Variants in ZNF420 observed in about 807,000 individuals in gnomAD.
ZNF420 encodes ATM and p53-associated KZNF protein.
In ZNF420, 31 loss-of-function variants were observed where a neutral mutation model predicts 44.7. That is an observed-to-expected ratio of 0.69 (90% CI 0.52 to 0.94). The LOEUF is 0.94. ZNF420 is among the 40% of genes least tolerant of loss of function. ZNF420 has a pLI of 0.00. For synonymous variants in ZNF420, 245 were observed against 267.4 expected, an observed-to-expected ratio of 0.92 and a Z score of 0.82; for missense variants, 681 against 827.9, an observed-to-expected ratio of 0.82 and a Z score of 2.18.
At chr19:37,085,360 T>C (rs543935693) in intron 2 of ZNF420, among the ~76,000 whole-genome samples, 54 of 152,358 alleles carry the variant, frequency 3.5e-4, no homozygotes, top group African/African-American at 1.2e-3. Flanking sequence ...AGCATCTGGT[T>C]TATTTTGATG....
intron 1 of ZNF420, among the ~76,000 whole-genome samples, chr19:37,046,242 A>G (rs1316613568): frequency 1.3e-5 from 2 of 152,202 alleles, no homozygotes; most frequent in Non-Finnish European, 2.9e-5. Flanking sequence ...TTAAATTAGA[A>G]CAACCACTTT....
chr19:37,057,150 G>A (rs1967771177), intron 1 of ZNF420, among the ~76,000 whole-genome samples: 1 of 152,218 alleles, frequency 6.6e-6, no homozygotes, highest in African/African-American at 2.4e-5. Flanking sequence ...TCTCCACGGG[G>A]GCGACAGGAA....
intron 1 of ZNF420, among the ~76,000 whole-genome samples, chr19:37,009,460 G>A (rs1414483044): frequency 2.6e-5 from 4 of 152,068 alleles, no homozygotes; most frequent in African/African-American, 9.7e-5. Flanking sequence ...TGTTCGTCTC[G>A]CCATCGCCCC....
At chr19:37,048,174 G>A (rs1284832587) in intron 1 of ZNF420, among the ~76,000 whole-genome samples, 1 of 152,038 alleles carries the variant, frequency 6.6e-6, no homozygotes, top group African/African-American at 2.4e-5. Flanking sequence ...CTATGTAGAA[G>A]CATTTAAGTA....
intron 2 of ZNF420, among the ~76,000 whole-genome samples, chr19:37,088,546 A>G (rs916460929): frequency 1.3e-5 from 2 of 152,230 alleles, no homozygotes; most frequent in African/African-American, 4.8e-5. Context: ...ATTTATAGAT[A>G]ATGCATTTCT....
At chr19:37,086,332 G>A (rs1291581760) in intron 2 of ZNF420, among the ~76,000 whole-genome samples, 10 of 152,110 alleles carry the variant, frequency 6.6e-5, no homozygotes, top group African/African-American at 1.4e-4. Context: ...AGTACTCAGC[G>A]CTTTCTCTGG....
chr19:37,127,861 G>T lies in ZNF420; in HGVS notation c.870G>T (p.Gln290His), dbSNP rs1301147959. ...ECKECRKVFT[Q>H]LSQLILHKRI... Reference sequence around the variant, plus strand: ...AAGAATGTAGGAAGGTCTTTACTCAGCTCTCACAACTTATTCTGCATAAGA... The same window carrying T: ...AAGAATGTAGGAAGGTCTTTACTCATCTCTCACAACTTATTCTGCATAAGA... The change falls in exon 5 of 5, where the codon CAG becomes CAT. Residue 290 changes from glutamine to histidine, a missense_variant. Around this residue, in one of 3 missense-constraint regions of ZNF420, gnomAD observed 350 missense variants for 382.5 expected, o/e 0.92. Transcript: ENST00000337995. 1 of 1,613,624 alleles carries T rather than the reference G, an allele frequency of 6.2e-7. No individual in the cohort carries two copies. Among genetic ancestry groups the T allele is most frequent in the Admixed American group, 1.7e-5 (1 of 59,966 alleles).
At chr19:37,076,277 A>G (rs1046170509), upstream of ZNF420, among the ~76,000 whole-genome samples, 4 of 151,964 alleles carry the variant, frequency 2.6e-5, no homozygotes, top group African/African-American at 7.2e-5. Flanking sequence ...ATGCTGTTCA[A>G]TTTGAAACCA....
intron 4 of ZNF420, among the ~76,000 whole-genome samples, chr19:37,117,473 G>A (rs10412962): frequency 0.46 from 70,151 of 151,022 alleles, 16,547 homozygotes; most frequent in Middle Eastern, 0.53. Flanking sequence ...CCATCTGTAC[G>A]TCACCATCAT....
intron 1 of ZNF420, among the ~76,000 whole-genome samples, chr19:37,068,517 G>A (rs537786062): frequency 9.0e-4 from 137 of 152,224 alleles, no homozygotes; most frequent in African/African-American, 3.2e-3. Flanking sequence ...GTGGACTCCT[G>A]TAATCCCAGC....
At chr19:37,110,608 T>C (rs145558809) in intron 4 of ZNF420, among the ~76,000 whole-genome samples, 1 of 152,210 alleles carries the variant, frequency 6.6e-6, no homozygotes, top group Non-Finnish European at 1.5e-5. Context: ...CTATATTTGA[T>C]TAGAGCTGTC....
chr19:37,019,989 G>T (rs1372969535), intron 1 of ZNF420, among the ~76,000 whole-genome samples: 4 of 152,064 alleles, frequency 2.6e-5, no homozygotes, highest in Non-Finnish European at 4.4e-5. Context: ...AGGCTGAGGA[G>T]GGCGGATCAT....
At chr19:37,087,169 T>A (rs925271379) in intron 2 of ZNF420, among the ~76,000 whole-genome samples, 2 of 151,778 alleles carry the variant, frequency 1.3e-5, no homozygotes, top group Non-Finnish European at 2.9e-5. Context: ...CCTGCAGTCC[T>A]AGCTACTTCG....
At chr19:37,055,024 G>A (rs1438806328) in intron 1 of ZNF420, among the ~76,000 whole-genome samples, 2 of 152,156 alleles carry the variant, frequency 1.3e-5, no homozygotes, top group Non-Finnish European at 2.9e-5. Flanking sequence ...GAGACATAAA[G>A]AGCAAAAAGT....
upstream of ZNF420, among the ~76,000 whole-genome samples, chr19:37,074,715 G>A (rs1411295839): frequency 2.0e-5 from 3 of 152,082 alleles, no homozygotes; most frequent in South Asian, 2.1e-4. Context: ...TTCGAGATGC[G>A]TGCTGAAATC....
At chr19:37,085,593 C>A (rs1399286499) in intron 2 of ZNF420, among the ~76,000 whole-genome samples, 1 of 152,156 alleles carries the variant, frequency 6.6e-6, no homozygotes, top group African/African-American at 2.4e-5. Flanking sequence ...TGTTTACATT[C>A]CTAACCCAGG....
chr19:37,119,397 G>A (rs758128899), intron 4 of ZNF420, among the ~76,000 whole-genome samples: 6 of 152,174 alleles, frequency 3.9e-5, no homozygotes, highest in African/African-American at 4.8e-5. Context: ...AATGAAGGCA[G>A]AAATCAAGAT....
At chr19:37,054,325 C>G (rs889349387) in intron 1 of ZNF420, among the ~76,000 whole-genome samples, 1 of 152,202 alleles carries the variant, frequency 6.6e-6, no homozygotes, top group African/African-American at 2.4e-5. Context: ...TGATGCCTTG[C>G]CCTGCTTCAG....
intron 3 of ZNF420, among the ~76,000 whole-genome samples, chr19:37,089,385 T>C (rs545830091): frequency 1.3e-5 from 2 of 152,254 alleles, no homozygotes; most frequent in Admixed American, 1.3e-4. Context: ...AAAAGTAGAG[T>C]TCCCTGATTT....
Sources: gnomAD v4.1 joint callset for allele counts (sites outside exome capture counted in the v4.1 genomes callset) on GRCh38, gnomAD v4.1.1 for gene constraint, gnomAD v4.1.1 regional missense constraint, MANE v1.5 for transcripts, NCBI Gene and HGNC (gene_info 2026-07-23, HGNC 2026-07-21) for gene names.